LYAR: variants seen among roughly 807,000 people sequenced by gnomAD.
LYAR encodes the protein cell growth-regulating nucleolar protein.
A neutral mutation model predicts 45.2 loss-of-function variants in LYAR; 37 were observed. The ratio of observed to expected loss-of-function variants is 0.82; its 90% CI spans 0.63 to 1.08. The LOEUF (loss-of-function observed/expected upper bound fraction) is 1.08, where lower values mean the gene tolerates loss of function less well. LYAR is among the 50% of genes least tolerant of loss of function. The pLI, the probability that LYAR is intolerant of heterozygous loss-of-function variation, is 0.00. For missense variants in LYAR, 493 were observed against 451.0 expected, an observed-to-expected ratio of 1.09 and a Z score of -0.84; for synonymous variants, 176 against 155.1, an observed-to-expected ratio of 1.14 and a Z score of -1.00.
intron 6 of LYAR, among the ~76,000 whole-genome samples, chr4:4,276,414 C>T (rs1425257059): frequency 6.6e-6 from 1 of 151,928 alleles, no homozygotes; most frequent in Non-Finnish European, 1.5e-5. Flanking sequence ...GCTACAAGAG[C>T]AGCATTAGAA....
intron 7 of LYAR, 125 bp downstream of exon 7, chr4:4,274,242 A>C: frequency 1.7e-6 from 2 of 1,162,050 alleles, no homozygotes; most frequent in Admixed American, 4.7e-5. Flanking sequence ...GTCTCAAAAA[A>C]AACAAAAAAA....
intron 8 of LYAR, among the ~76,000 whole-genome samples, chr4:4,273,139 C>T (rs931097667): frequency 1.3e-5 from 2 of 152,178 alleles, no homozygotes; most frequent in Non-Finnish European, 2.9e-5. Flanking sequence ...CGAAAGGGAA[C>T]CGGGTCTCAG....
In LYAR at chr4:4,279,719, C is replaced by T. The variant is rs755988324; in HGVS notation, c.268G>A (p.Val90Ile). The part of the protein sequence containing the change: ...KISELIKRPN[V>I]SPKVRELLEQ... ...AAAAGTTCTCTCACTTTGGGGCTGA[C>T]ATTGGGTCTCTTTATTAATTCACTA... Residue 90 changes from valine to isoleucine, a missense_variant, in exon 5 of 10, where the codon GTC becomes ATC. Physicochemically the swap from Val to Ile is conservative, Grantham distance 29 (BLOSUM62 3). Transcript: ENST00000343470. The T allele has an allele frequency of 1.2e-6, 2 of 1,612,086 alleles. No individual in the cohort carries two copies. Among genetic ancestry groups the T allele is most frequent in the African/African-American group, 1.3e-5 (1 of 74,968 alleles).
chr4:4,277,870 C>T (rs1364816141), intron 6 of LYAR, among the ~76,000 whole-genome samples: 2 of 152,176 alleles, frequency 1.3e-5, no homozygotes, highest in East Asian at 1.9e-4. Flanking sequence ...GAGGACAAGG[C>T]CTCAGGACCC....
chr4:4,279,601 G>A lies in LYAR; in HGVS notation c.345+41C>T, dbSNP rs1180233472. Reference sequence around the variant, plus strand: ...GGTACACACAAGCTCAGTCACTGATGGGCCACACGGCCCCCTCCATTCAAG... The same window carrying A: ...GGTACACACAAGCTCAGTCACTGATAGGCCACACGGCCCCCTCCATTCAAG... On this transcript the variant is annotated intron_variant, in intron 5 of 9. Transcript: ENST00000343470. The A allele has an allele frequency of 1.9e-6, 3 of 1,570,130 alleles. No homozygotes were observed. In the Admixed American group the frequency reaches 5.0e-5, roughly 26 times the overall value.
At chr4:4,278,203 C>T (rs557191515) in intron 6 of LYAR, among the ~76,000 whole-genome samples, 16 of 152,240 alleles carry the variant, frequency 1.1e-4, no homozygotes, top group Non-Finnish European at 2.1e-4. Context: ...AAGAGACAAA[C>T]GCTAGGTGTA....
intron 8 of LYAR, among the ~76,000 whole-genome samples, chr4:4,270,697 T>C (rs1342725818): frequency 2.0e-5 from 3 of 152,118 alleles, no homozygotes; most frequent in African/African-American, 4.8e-5. Context: ...CATTAGTCAT[T>C]AGGGCCACAC....
intron 2 of LYAR, among the ~76,000 whole-genome samples, chr4:4,285,168 C>T (rs979781952): frequency 6.6e-5 from 10 of 152,344 alleles, no homozygotes; most frequent in Non-Finnish European, 1.2e-4. Flanking sequence ...ATACAAACCA[C>T]AGACCCCTGA....
intron 1 of LYAR, among the ~76,000 whole-genome samples, chr4:4,287,727 C>G (rs1405387231): frequency 2.6e-5 from 4 of 152,184 alleles, no homozygotes; most frequent in South Asian, 4.1e-4. Context: ...CTGCCATGTC[C>G]TAGCCGTTTG....
rs1719100116 is a variant in LYAR at position 4,274,556 on chromosome 4, A to C, written c.643T>G (p.Ser215Ala). The C allele has an allele frequency of 6.2e-7, 1 of 1,613,746 alleles. No homozygotes were observed. Among genetic ancestry groups the C allele is most frequent in the East Asian group, 2.2e-5 (1 of 44,872 alleles). The change falls in exon 7 of 10, where the codon TCA becomes GCA. Residue 215 changes from serine (S) to alanine (A), a missense_variant. Coordinates refer to ENST00000343470, the MANE Select transcript of LYAR (RefSeq NM_017816.3). The stretch of plus-strand genomic sequence containing the variant: ...CGCTTCTTAGGCTTCTGATTCCTTG[A>C]GTTTTCCTGGTGGTTTTCTAACTTT... Reference protein sequence around the residue: ...ELKLENHQENSRNQKPKKRKK... With the variant: ...ELKLENHQENARNQKPKKRKK...
chr4:4,274,260 C>CA (rs1560092505), intron 7 of LYAR, 107 bp downstream of exon 7: 60 of 1,214,368 alleles, frequency 4.9e-5, no homozygotes, highest in Middle Eastern at 2.0e-4. Flanking sequence ...AAAAAAAAAA[C>CA]CACACACACA....
Position 4,281,809 on chromosome 4 carries a change from C to A in LYAR, c.211G>T (p.Asp71Tyr). 6.2e-7 allele frequency: 1 copy of A among 1,614,086 alleles called. No homozygotes were observed. Among genetic ancestry groups the A allele is most frequent in the Non-Finnish European group, 8.5e-7 (1 of 1,179,930 alleles). ...KGYEGKTHKGDIKQQAWIQKI... is the reference protein window; with the variant it reads ...KGYEGKTHKGYIKQQAWIQKI... ...TGAATCCACGCCTGCTGTTTGATGT[C>A]GCCTTTGTGGGTTTTACCTTCATAG... Residue 71 changes from aspartate to tyrosine, a missense_variant, in exon 4 of 10, where the codon GAC becomes TAC. Asp to Tyr is a radical substitution (Grantham distance 160). Coordinates refer to ENST00000343470, the MANE Select transcript of LYAR (RefSeq NM_017816.3).
Position 4,283,749 on chromosome 4 carries a change from GT to G in LYAR, c.-8del. The G allele has an allele frequency of 6.2e-7, 1 of 1,605,338 alleles. No individual in the cohort carries two copies. Among genetic ancestry groups the G allele is most frequent in the Non-Finnish European group, 8.5e-7 (1 of 1,176,306 alleles). ...TGCATGTAAAAAATACCATTTTTAG[GT>G]AAATGGCTAAATATTCTCTATCCAA... is the stretch of plus-strand genomic sequence containing the variant. On this transcript the variant is annotated 5_prime_UTR_variant, in exon 3 of 10. Transcript: ENST00000343470.
At position 4,274,648 on chromosome 4, in the gene LYAR, A is replaced by T. The variant is rs1719104994; in HGVS notation, c.551T>A (p.Val184Glu). Reference sequence around the variant, plus strand: ...CTTTCTTTCTCTTTTATTCTTCTTCACCTCCCCTTGCTGTTCCACGGCGTC... The same window carrying T: ...CTTTCTTTCTCTTTTATTCTTCTTCTCCTCCCCTTGCTGTTCCACGGCGTC... ...VKDAVEQQGE[V>E]KKNKRERKEE... Residue 184 changes from valine to glutamate, a missense_variant, in exon 7 of 10, where the codon GTG (valine) becomes GAG (glutamate). Physicochemically the swap from Val to Glu is moderately radical, Grantham distance 121 (BLOSUM62 -2). Transcript: ENST00000343470. The T allele has an allele frequency of 6.2e-7, 1 of 1,609,614 alleles. No homozygotes were observed. The highest frequency in any genetic ancestry group is 8.5e-7 in the Non-Finnish European group (1 of 1,179,012).
intron 7 of LYAR, 107 bp downstream of exon 7, chr4:4,274,260 C>G (rs374394546): frequency 3.3e-6 from 4 of 1,214,480 alleles, no homozygotes; most frequent in Admixed American, 4.8e-5. Context: ...AAAAAAAAAA[C>G]CACACACACA....
At chr4:4,270,331 T>C (rs1191858736) in intron 8 of LYAR, among the ~76,000 whole-genome samples, 1 of 146,880 alleles carries the variant, frequency 6.8e-6, no homozygotes, top group Non-Finnish European at 1.5e-5. Context: ...ATCTTTAGGC[T>C]CTAGGGCTAG....
At chr4:4,284,806 A>G (rs1719541721) in intron 2 of LYAR, among the ~76,000 whole-genome samples, 1 of 152,206 alleles carries the variant, frequency 6.6e-6, no homozygotes, top group Non-Finnish European at 1.5e-5. Context: ...GAACTGTTTA[A>G]CCCAGAGCTT....
chr4:4,277,174 G>GTAGCT (rs1719216336), intron 6 of LYAR, among the ~76,000 whole-genome samples: 1 of 152,088 alleles, frequency 6.6e-6, no homozygotes, highest in African/African-American at 2.4e-5. Context: ...AACCTCCCGA[G>GTAGCT]TAGCTGGGAT....
At chr4:4,275,707 AT>A (rs1002255375) in intron 6 of LYAR, among the ~76,000 whole-genome samples, 2 of 86,806 alleles carry the variant, frequency 2.3e-5, no homozygotes, top group East Asian at 3.9e-4. Flanking sequence ...TCATTTATGT[AT>A]TTTTTTTGGG....
Sources: gnomAD v4.1 joint callset for allele counts (sites outside exome capture counted in the v4.1 genomes callset) on GRCh38, gnomAD v4.1.1 for gene constraint, MANE v1.5 for transcripts, NCBI Gene and HGNC (gene_info 2026-07-23, HGNC 2026-07-21) for gene names.